ADGRL2: variants seen among roughly 807,000 people sequenced by gnomAD.
The protein encoded by ADGRL2 is calcium-independent alpha-latrotoxin receptor 2.
ADGRL2 carries 44 observed loss-of-function variants against 157.4 expected under a neutral mutation model. That is an observed-to-expected ratio of 0.28 (90% confidence interval 0.22 to 0.36). The LOEUF (loss-of-function observed/expected upper bound fraction) is 0.36. Among genes scored for constraint, ADGRL2 ranks in the 10% least tolerant of loss-of-function variants. The probability of loss-of-function intolerance (pLI) is 1.00; values close to 1 mark genes in which losing one functional copy is unlikely to be tolerated. For missense variants in ADGRL2, 1,510 were observed against 1,768.9 expected (o/e 0.85, Z 2.63); for synonymous variants, 585 against 624.7 (o/e 0.94, Z 0.95).
At chr1:81,871,743 G>T (rs1234344477) in intron 2 of ADGRL2, among the ~76,000 whole-genome samples, 1 of 152,166 alleles carries the variant, frequency 6.6e-6, no homozygotes, top group Non-Finnish European at 1.5e-5. Context: ...CTTTTGAGAA[G>T]TGTCTGTTCA....
chr1:81,911,323 G>A lies in ADGRL2; in HGVS notation c.287+4093G>A, dbSNP rs909938502. Among the ~76,000 whole-genome samples the A allele has an allele frequency of 2.4e-4, 36 of 151,712 alleles. 1 individual carries two copies. The highest frequency in any genetic ancestry group is 7.8e-4 in the African/African-American group (32 of 41,280). ...CTCTTTAAAGATAATTGTTGGGGGGGGCAACTTAAAAATATATAAAAGTTA... is the reference window on the plus strand; with the variant it reads ...CTCTTTAAAGATAATTGTTGGGGGGAGCAACTTAAAAATATATAAAAGTTA... On this transcript the variant is annotated intron_variant, in intron 3 of 23. Transcript: ENST00000686636.
At chr1:81,964,235 C>G (rs1656382744) in intron 11 of ADGRL2, among the ~76,000 whole-genome samples, 1 of 152,004 alleles carries the variant, frequency 6.6e-6, no homozygotes, top group Admixed American at 6.5e-5. Flanking sequence ...GCAATTAACT[C>G]TTTGTACATG....
chr1:81,578,739 T>A (rs1464652835), intron 2 of ADGRL2, among the ~76,000 whole-genome samples: 2 of 152,204 alleles, frequency 1.3e-5, no homozygotes, highest in African/African-American at 4.8e-5. Flanking sequence ...GTTTTTATGA[T>A]GCAACTCAAA....
intron 2 of ADGRL2, among the ~76,000 whole-genome samples, chr1:81,782,311 G>A (rs1441837340): frequency 6.6e-6 from 1 of 152,044 alleles, no homozygotes; most frequent in Non-Finnish European, 1.5e-5. Flanking sequence ...CCAAAAAATG[G>A]CAAACTCAAG....
chr1:81,345,513 T>C (rs1476612428), intron 1 of ADGRL2, among the ~76,000 whole-genome samples: 2 of 152,212 alleles, frequency 1.3e-5, no homozygotes, highest in Non-Finnish European at 2.9e-5. Context: ...AGATTAATCA[T>C]ATTTTTGTTA....
In ADGRL2 at chr1:81,837,101, T is replaced by C. The variant is rs886515488; in HGVS notation, c.73+44T>C. ...TTTGTTTTTTAAATCCAGGAGAACT[T>C]GAACTATACAATCTTCTTAATATGG... On this transcript the variant is annotated intron_variant, in intron 2 of 23. Coordinates refer to ENST00000686636, the MANE Select transcript of ADGRL2 (RefSeq NM_001366006.2). 8 of 1,109,190 alleles carry C rather than the reference T, an allele frequency of 7.2e-6. No homozygotes were observed. The African/African-American group carries it at 8.0e-5, about 11-fold the overall frequency. The allele number at this position is 1,109,190 out of a possible 1,614,324, so 68.7% of individuals were successfully genotyped here. A position where few individuals can be genotyped will look rare whatever the true frequency, so the allele number is the denominator to read the frequency against.
intron 1 of ADGRL2, among the ~76,000 whole-genome samples, chr1:81,381,448 C>CA (rs2076343060): frequency 6.6e-6 from 1 of 152,106 alleles, no homozygotes; most frequent in South Asian, 2.1e-4. Context: ...CATGGTGGCA[C>CA]ACCTGTAGTC....
intron 1 of ADGRL2, among the ~76,000 whole-genome samples, chr1:81,710,005 T>A (rs1260570135): frequency 6.6e-6 from 1 of 152,162 alleles, no homozygotes; most frequent in Non-Finnish European, 1.5e-5. Flanking sequence ...GAACAACTAA[T>A]CACCTGTGGT....
intron 1 of ADGRL2, among the ~76,000 whole-genome samples, chr1:81,310,191 T>C (rs1659648514): frequency 6.6e-6 from 1 of 152,160 alleles, no homozygotes; most frequent in Non-Finnish European, 1.5e-5. Context: ...TTGAATATAA[T>C]TATCTGTTCT....
At chr1:81,660,640 G>A (rs977977056) in intron 3 of ADGRL2, among the ~76,000 whole-genome samples, 2 of 151,894 alleles carry the variant, frequency 1.3e-5, no homozygotes, top group African/African-American at 4.8e-5. Flanking sequence ...AGGTTTTAGT[G>A]GTTTTCCTTT....
At chr1:81,657,176 C>T (rs1390024436) in intron 3 of ADGRL2, among the ~76,000 whole-genome samples, 1 of 152,064 alleles carries the variant, frequency 6.6e-6, no homozygotes, top group African/African-American at 2.4e-5. Flanking sequence ...GAAACCTCAT[C>T]CCTAATGTGA....
rs75069810 is a variant in ADGRL2, at chr1:81,319,534, G to A, written c.-302+13025G>A. 2.6e-3 allele frequency among the ~76,000 whole-genome samples: 390 copies of A among 152,198 alleles called. 2 individuals carry two copies. Among genetic ancestry groups the A allele is most frequent in the African/African-American group, 8.7e-3 (360 of 41,524 alleles). On this transcript the variant is annotated intron_variant, in intron 1 of 24. Coordinates refer to the ADGRL2 transcript ENST00000370721. ...CCCAATAGGCCAATGGGTCAAACCT[G>A]TCTTTGAGAACAGCATTTCTACAAA...
At chr1:81,320,557 G>C (rs1294466969) in intron 1 of ADGRL2, among the ~76,000 whole-genome samples, 1 of 152,208 alleles carries the variant, frequency 6.6e-6, no homozygotes, top group Non-Finnish European at 1.5e-5. Context: ...TGGATGTTGT[G>C]TTAGCAGACA....
intron 1 of ADGRL2, among the ~76,000 whole-genome samples, chr1:81,346,388 T>C (rs1423386680): frequency 2.6e-5 from 4 of 152,184 alleles, no homozygotes; most frequent in African/African-American, 9.7e-5. Flanking sequence ...CTCAAGAATA[T>C]GATCTTTCAG....
intron 1 of ADGRL2, among the ~76,000 whole-genome samples, chr1:81,443,467 A>G (rs1430216033): frequency 6.6e-6 from 1 of 151,942 alleles, no homozygotes; most frequent in Non-Finnish European, 1.5e-5. Context: ...ACTGAGTGAT[A>G]TTTCTCATAG....
intron 2 of ADGRL2, among the ~76,000 whole-genome samples, chr1:81,888,933 T>G (rs2151381957): frequency 6.6e-6 from 1 of 152,292 alleles, no homozygotes. Flanking sequence ...TCTTTGATAT[T>G]ATTATAACTA....
intron 2 of ADGRL2, among the ~76,000 whole-genome samples, chr1:81,859,966 C>A (rs758263659): frequency 6.6e-6 from 1 of 151,750 alleles, no homozygotes; most frequent in Non-Finnish European, 1.5e-5. Context: ...TAGCTCACAC[C>A]TGGAATTCCA....
At chr1:81,888,548 C>T (rs1192885750) in intron 2 of ADGRL2, among the ~76,000 whole-genome samples, 6 of 152,156 alleles carry the variant, frequency 3.9e-5, no homozygotes, top group Non-Finnish European at 8.8e-5. Flanking sequence ...ACGCCATTCT[C>T]CCGCCTCAGC....
At chr1:81,747,701 TTGTGTGTGTGTGTG>T (rs10556401) in intron 1 of ADGRL2, among the ~76,000 whole-genome samples, 4 of 147,254 alleles carry the variant, frequency 2.7e-5, no homozygotes, top group African/African-American at 7.6e-5. Context: ...CCTTTAATGT[TTGTGTGTGTGTGTG>T]TGTGTGTGTG....
Sources: gnomAD v4.1 joint callset for allele counts (sites outside exome capture counted in the v4.1 genomes callset) on GRCh38, gnomAD v4.1.1 for gene constraint, MANE v1.5 for transcripts, NCBI Gene and HGNC (gene_info 2026-07-23, HGNC 2026-07-21) for gene names.